Variants in LRRCC1 observed in about 807,000 individuals in gnomAD.
LRRCC1 encodes leucine-rich repeat and coiled-coil domain-containing protein 1.
A neutral mutation model predicts 126.0 loss-of-function variants in LRRCC1; 115 were observed. The observed-to-expected ratio is 0.91, with a 90% CI of 0.78 to 1.07. The LOEUF is 1.07. Among genes scored for constraint, LRRCC1 ranks in the 50% least tolerant of loss-of-function variants. LRRCC1 has a pLI of 0.00. For synonymous variants in LRRCC1, 400 were observed against 393.4 expected (o/e 1.02, Z -0.20); for missense variants, 1,172 against 1,175.7 (o/e 1.00, Z 0.05).
In LRRCC1 at chr8:85,131,787, T is replaced by A. The variant is rs781440640; in HGVS notation, c.1794T>A (p.Phe598Leu). The change falls in exon 12 of 19, where the codon TTT (phenylalanine) becomes TTA (leucine). Residue 598 changes from phenylalanine to leucine, a missense_variant. Physicochemically the swap from Phe to Leu is conservative, Grantham distance 22 (BLOSUM62 0). Coordinates refer to ENST00000360375, the MANE Select transcript of LRRCC1 (RefSeq NM_033402.5). ...AGGAACTTGAAACAAGGGAGTTTTT[T>A]ACTGATGCTGACTTCCAGGATGCCT... The part of the protein sequence containing the change: ...HRKELETREF[F>L]TDADFQDALA... 1 of 1,613,362 alleles carries A rather than the reference T, an allele frequency of 6.2e-7. No homozygotes were observed. Among genetic ancestry groups the A allele is most frequent in the East Asian group, 2.2e-5 (1 of 44,784 alleles).
chr8:85,126,989 T>TTTAA (rs1810062303), intron 9 of LRRCC1, 152 bp downstream of exon 9: 1 of 619,434 alleles, frequency 1.6e-6, no homozygotes, highest in Non-Finnish European at 2.6e-6. Flanking sequence ...AATTTAGCAC[T>TTTAA]TTATTAGCTT....
Position 85,138,060 on chromosome 8 carries a change from T to A in LRRCC1, c.2519T>A (p.Ile840Asn), listed in dbSNP as rs879213660. The A allele has an allele frequency of 7.6e-6, 12 of 1,580,848 alleles. No homozygotes were observed. The highest frequency in any genetic ancestry group is 1.7e-4 in the Middle Eastern group (1 of 5,834). ...KDCLQEKDEHIKRLQEKITEI... is the reference protein window; with the variant it reads ...KDCLQEKDEHNKRLQEKITEI... Reference sequence around the variant, plus strand: ...TGTTTACAAGAAAAAGATGAACACATCAAAAGATTACAAGAAAAGATCACA... The same window carrying A: ...TGTTTACAAGAAAAAGATGAACACAACAAAAGATTACAAGAAAAGATCACA... The change falls in exon 16 of 19, where the codon ATC (isoleucine) becomes AAC (asparagine). Residue 840 changes from isoleucine (I) to asparagine (N), a missense_variant. Transcript: ENST00000360375.
intron 7 of LRRCC1, among the ~76,000 whole-genome samples, chr8:85,124,441 CTT>C (rs1307339552): frequency 6.6e-6 from 1 of 152,022 alleles, no homozygotes; most frequent in Non-Finnish European, 1.5e-5. Flanking sequence ...CGATTTTAAA[CTT>C]TTAACTCTCA....
At position 85,135,016 on chromosome 8, in the gene LRRCC1, C is replaced by CAAAATTGAA; in HGVS notation, c.2139_2140insAAATTGAAA (p.Thr713_Ala714insLysLeuLys). On this transcript the variant is annotated inframe_insertion, in exon 13 of 19. Transcript: ENST00000360375. The stretch of plus-strand genomic sequence containing the variant: ...GAAGTTTCTAAATTGAAACAAGAAA[C>CAAAATTGAA]AGCAGCAAATTTACAGGTAAGACTT... 1.3e-6 allele frequency: 2 copies of CAAAATTGAA among 1,538,968 alleles called. No homozygotes were observed. Among genetic ancestry groups the CAAAATTGAA allele is most frequent in the East Asian group, 4.8e-5 (2 of 41,706 alleles).
chr8:85,122,770 A>G (rs980263679), intron 6 of LRRCC1, among the ~76,000 whole-genome samples: 1 of 152,276 alleles, frequency 6.6e-6, no homozygotes, highest in Non-Finnish European at 1.5e-5. Context: ...ACGGCAAGCA[A>G]TTTTGAAGTA....
Position 85,131,750 on chromosome 8 carries a change from T to C in LRRCC1, c.1767-10T>C. 1 of 1,600,696 alleles carries C rather than the reference T, an allele frequency of 6.2e-7. No homozygotes were observed. The highest frequency in any genetic ancestry group is 8.5e-7 in the Non-Finnish European group (1 of 1,174,730). ...ATCATCCTTTTATCTTTATATGTTT[T>C]TCACTCCAGGAAGGAACTTGAAACA... On this transcript the variant is annotated splice_polypyrimidine_tract_variant and intron_variant, in intron 11 of 18. Coordinates refer to ENST00000360375, the MANE Select transcript of LRRCC1 (RefSeq NM_033402.5).
Position 85,131,900 on chromosome 8 carries a change from A to G in LRRCC1, c.1907A>G (p.Tyr636Cys). 1.2e-6 allele frequency: 2 copies of G among 1,613,890 alleles called. No individual in the cohort carries two copies. The highest frequency in any genetic ancestry group is 1.7e-6 in the Non-Finnish European group (2 of 1,179,894). The stretch of plus-strand genomic sequence containing the variant: ...AAAATTGACGTGTTAAGCCAGCAGT[A>G]TATGGATTTAGAAAATGAATTCCGT... ...QEKIDVLSQQYMDLENEFRIA... is the reference protein window; with the variant it reads ...QEKIDVLSQQCMDLENEFRIA... Residue 636 changes from tyrosine (Y) to cysteine (C), a missense_variant, in exon 12 of 19, where the codon TAT (tyrosine) becomes TGT (cysteine). By Grantham distance (194) the Tyr-to-Cys change is radical. Transcript: ENST00000360375.
chr8:85,141,703 A>G (rs1184239537), intron 18 of LRRCC1, among the ~76,000 whole-genome samples, 186 bp downstream of exon 18: 1 of 152,238 alleles, frequency 6.6e-6, no homozygotes, highest in Admixed American at 6.5e-5. Flanking sequence ...TAATTGTAGA[A>G]CATAATTCTA....
rs1811632004 is a variant in LRRCC1, at chr8:85,145,684, TATA to T, written c.*178_*180del. On this transcript the variant is annotated 3_prime_UTR_variant, in exon 19 of 19. Coordinates refer to ENST00000360375, the MANE Select transcript of LRRCC1 (RefSeq NM_033402.5). ...GTATTTATTAATTGTATAGGTTTTT[TATA>T]ATAAATTGTTGACAATTTTGTCTAT... is the stretch of plus-strand genomic sequence containing the variant. The T allele has an allele frequency of 4.7e-6, 2 of 424,356 alleles. No individual in the cohort carries two copies. Among genetic ancestry groups the T allele is most frequent in the Non-Finnish European group, 7.8e-6 (2 of 256,342 alleles). 26.3% of individuals were successfully genotyped at this position (424,356 alleles called of 1,614,324 possible). A position where few individuals can be genotyped will look rare whatever the true frequency, so the allele number is the denominator to read the frequency against.
chr8:85,113,174 C>T lies in LRRCC1; in HGVS notation c.544+75C>T, dbSNP rs118006711. ...TCTTTATTTTCCTGAAATTGGCATT[C>T]GTGACCTCATTTTAGTCTTCAGCTT... On this transcript the variant is annotated intron_variant, in intron 4 of 18. Coordinates refer to ENST00000360375, the MANE Select transcript of LRRCC1 (RefSeq NM_033402.5). 551 of 1,139,494 alleles carry T rather than the reference C, an allele frequency of 4.8e-4. No individual in the cohort carries two copies. The East Asian group carries it at 0.012, about 26-fold the overall frequency. 70.6% of individuals were successfully genotyped at this position (1,139,494 alleles called of 1,614,324 possible).
At chr8:85,117,809 C>G (rs1809238804) in intron 6 of LRRCC1, among the ~76,000 whole-genome samples, 1 of 152,128 alleles carries the variant, frequency 6.6e-6, no homozygotes, top group East Asian at 1.9e-4. Context: ...GTGTATCAAA[C>G]TATCTTATGA....
chr8:85,136,423 T>A (rs1810875258), intron 14 of LRRCC1, among the ~76,000 whole-genome samples: 1 of 151,944 alleles, frequency 6.6e-6, no homozygotes, highest in Non-Finnish European at 1.5e-5. Flanking sequence ...TACAGCCATG[T>A]GCCGCCACAC....
chr8:85,110,157 A>AT lies in LRRCC1; in HGVS notation c.354dup (p.Asn119Ter). ...AATCTGACTAGACTAAATGTATCTT[A>AT]TAACCACATAGATGATCTTAGTGGT... On this transcript the variant is annotated frameshift_variant, in exon 3 of 19. Transcript: ENST00000360375. LOFTEE classifies it high-confidence loss of function. 7.5e-7 allele frequency: 1 copy of AT among 1,330,494 alleles called. No homozygotes were observed. 82.4% of individuals were successfully genotyped at this position (1,330,494 alleles called of 1,614,324 possible).
At chr8:85,112,890 G>C (rs1027702923) in intron 3 of LRRCC1, 42 bp from the exon 4 acceptor site, 7 of 1,423,542 alleles carry the variant, frequency 4.9e-6, no homozygotes, top group Middle Eastern at 4.3e-4. Context: ...CTATTGGAAA[G>C]ACTATTGCTG....
At chr8:85,121,763 G>C (rs921098876) in intron 6 of LRRCC1, among the ~76,000 whole-genome samples, 3 of 152,086 alleles carry the variant, frequency 2.0e-5, no homozygotes, top group African/African-American at 7.2e-5. Flanking sequence ...AATTCTCTAG[G>C]TTTTGTTTTG....
rs1808303020 is a variant in LRRCC1 at position 85,107,281 on chromosome 8, C to T, written c.-15C>T. 1 of 1,604,588 alleles carries T rather than the reference C, an allele frequency of 6.2e-7. No homozygotes were observed. Among genetic ancestry groups the T allele is most frequent in the South Asian group, 1.1e-5 (1 of 89,864 alleles). ...CTGGGTGCCGGTTAAGACCCCGCTCCCCGTCGCCAGTGCTATGGAGGCGGC... is the reference window on the plus strand; with the variant it reads ...CTGGGTGCCGGTTAAGACCCCGCTCTCCGTCGCCAGTGCTATGGAGGCGGC... On this transcript the variant is annotated 5_prime_UTR_variant, in exon 1 of 19. Transcript: ENST00000360375.
rs1809737831 is a variant in LRRCC1 at position 85,123,580 on chromosome 8, CA to C, written c.1100del (p.Asn367IlefsTer8). ...AKTIQTIKHH[N>X]KNYNSFVSCN... ...AAACCATTCAAACTATTAAGCACCA[CA>C]ATAAAAACTACAACTCTTTTGTAAG... On this transcript the variant is annotated frameshift_variant, in exon 7 of 19. Transcript: ENST00000360375. LOFTEE classifies it high-confidence loss of function. The C allele has an allele frequency of 6.3e-7, 1 of 1,580,616 alleles. No individual in the cohort carries two copies. Among genetic ancestry groups the C allele is most frequent in the East Asian group, 2.3e-5 (1 of 44,142 alleles).
At position 85,112,936 on chromosome 8, in the gene LRRCC1, G is replaced by T; in HGVS notation, c.381G>T (p.Leu127Phe). Residue 127 changes from leucine to phenylalanine, a missense_variant, in exon 4 of 19, where the codon TTG (leucine) becomes TTT (phenylalanine). By Grantham distance (22) the Leu-to-Phe change is conservative (BLOSUM62 0). Coordinates refer to ENST00000360375, the MANE Select transcript of LRRCC1 (RefSeq NM_033402.5). ...AGAATTATGTTCCTATTGCAGGATT[G>T]ATTCCCCTTCATGGAATTAAGCATA... is the stretch of plus-strand genomic sequence containing the variant. ...SYNHIDDLSG[L>F]IPLHGIKHKL... 2 of 1,564,678 alleles carry T rather than the reference G, an allele frequency of 1.3e-6. No homozygotes were observed. Among genetic ancestry groups the T allele is most frequent in the South Asian group, 1.2e-5 (1 of 83,690 alleles).
At chr8:85,107,455 CG>C in intron 1 of LRRCC1, 56 bp downstream of exon 1, 1 of 1,451,380 alleles carries the variant, frequency 6.9e-7, no homozygotes, top group Non-Finnish European at 9.4e-7. Context: ...GCCGGGGCCA[CG>C]AGTGGCTGGC....
Sources: gnomAD v4.1 joint callset for allele counts (sites outside exome capture counted in the v4.1 genomes callset) on GRCh38, gnomAD v4.1.1 for gene constraint, MANE v1.5 for transcripts, NCBI Gene and HGNC (gene_info 2026-07-23, HGNC 2026-07-21) for gene names.